The following LGR5 variants were observed in gnomAD, a reference collection of about 807,000 sequenced individuals.
LGR5 encodes the protein leucine rich repeat containing G protein-coupled receptor 5, also known as leucine-rich repeat-containing G protein-coupled receptor 5.
In LGR5, 54 loss-of-function variants were observed where a neutral mutation model predicts 76.7. The ratio of observed to expected loss-of-function variants is 0.70; its 90% confidence interval spans 0.57 to 0.88. LGR5 has a LOEUF of 0.88. Ranked by LOEUF, LGR5 falls within the 40% of genes least tolerant of loss-of-function variation. LGR5 has a pLI of 0.00. For missense variants in LGR5, 1,078 were observed against 1,073.3 expected, an observed-to-expected ratio of 1.00 and a Z score of -0.06; for synonymous variants, 406 against 421.9, an observed-to-expected ratio of 0.96 and a Z score of 0.46.
chr12:71,464,805 G>C (rs1176623470), intron 1 of LGR5, among the ~76,000 whole-genome samples: 1 of 152,122 alleles, frequency 6.6e-6, no homozygotes, highest in African/African-American at 2.4e-5. Context: ...AGATTTTTAT[G>C]TTCAGAAAAC....
In LGR5 at chr12:71,564,719, ATATACATATATGTACACACACTG is replaced by A. The variant is rs1878241712; in HGVS notation, c.858-1680_858-1658del. On this transcript the variant is annotated intron_variant, in intron 8 of 17. Transcript: ENST00000266674. ...ATGTACACACACTGTATATATACAT[ATATACATATATGTACACACACTG>A]TATATATATACATATATACATATAT... Among the ~76,000 whole-genome samples the A allele has an allele frequency of 7.4e-4, 11 of 14,844 alleles. 1 individual carries two copies. In the Admixed American group the frequency reaches 0.017, roughly 23 times the overall value. 9.7% of individuals were successfully genotyped at this position (14,844 alleles called of 152,430 possible).
At position 71,473,159 on chromosome 12, in the gene LGR5, G is replaced by A. The variant is rs3803031; in HGVS notation, c.213-31455G>A. ...ACAATCTAGTCTGAAAGATTTTAAC[G>A]GTGGCCATGTCTTACAGGATCTTAC... On this transcript the variant is annotated intron_variant, in intron 1 of 17. Transcript: ENST00000266674. Among the ~76,000 whole-genome samples the A allele has an allele frequency of 1.7e-3, 252 of 152,154 alleles. 3 individuals carry two copies. In the East Asian group the frequency reaches 0.025, roughly 15 times the overall value.
At chr12:71,501,998 T>C (rs1874628966) in intron 1 of LGR5, among the ~76,000 whole-genome samples, 1 of 152,170 alleles carries the variant, frequency 6.6e-6, no homozygotes, top group Non-Finnish European at 1.5e-5. Flanking sequence ...AGATCATTGC[T>C]ATTAAAAGTT....
At chr12:71,550,051 G>T (rs1877397325) in intron 4 of LGR5, among the ~76,000 whole-genome samples, 1 of 152,250 alleles carries the variant, frequency 6.6e-6, no homozygotes, top group South Asian at 2.1e-4. Flanking sequence ...ACTTTGGTAG[G>T]AACATAAAAT....
chr12:71,580,151 C>T (rs1251013733), intron 15 of LGR5, 127 bp from the exon 16 acceptor site: 2 of 819,110 alleles, frequency 2.4e-6, no homozygotes, highest in Non-Finnish European at 3.8e-6. Context: ...ATGTGCATAA[C>T]TTATACTTTG....
chr12:71,560,340 C>G (rs1429850909), intron 7 of LGR5, among the ~76,000 whole-genome samples: 1 of 152,006 alleles, frequency 6.6e-6, no homozygotes, highest in Non-Finnish European at 1.5e-5. Context: ...TTCTAAGAAA[C>G]AGAAAATATA....
chr12:71,535,765 A>G (rs74629836), intron 4 of LGR5, among the ~76,000 whole-genome samples: 7,107 of 152,250 alleles, frequency 0.047, 219 homozygotes, highest in Middle Eastern at 0.12. Flanking sequence ...ATACAAACAT[A>G]CCTTAGATTC....
chr12:71,561,725 C>A, intron 7 of LGR5, 56 bp from the exon 8 acceptor site: 1 of 1,013,586 alleles, frequency 9.9e-7, no homozygotes, highest in Non-Finnish European at 1.5e-6. Context: ...GTGGGGGCCT[C>A]TATTAAATAA....
At chr12:71,557,683 G>A (rs1877845748) in intron 6 of LGR5, among the ~76,000 whole-genome samples, 1 of 152,208 alleles carries the variant, frequency 6.6e-6, no homozygotes, top group African/African-American at 2.4e-5. Context: ...TTTTCCCAGG[G>A]GAGGAGCTGC....
chr12:71,506,288 CA>C (rs1451320896), intron 2 of LGR5, among the ~76,000 whole-genome samples: 1 of 151,938 alleles, frequency 6.6e-6, no homozygotes, highest in African/African-American at 2.4e-5. Flanking sequence ...TATCTCATGG[CA>C]AAATGCTTCC....
chr12:71,566,647 C>G lies in LGR5; in HGVS notation c.945C>G (p.Ala315=). The G allele has an allele frequency of 6.2e-7, 1 of 1,613,028 alleles. No individual in the cohort carries two copies. Among genetic ancestry groups the G allele is most frequent in the Non-Finnish European group, 8.5e-7 (1 of 1,179,170 alleles). The change falls in exon 10 of 18, where the codon GCC becomes GCG. Residue 315 remains alanine (A), a synonymous_variant. Transcript: ENST00000266674. ...CTCTTTCTAGGACTCTGAATGGTGC[C>G]TCACAAATAACTGAATTTCCTGATT... The part of the protein sequence containing the change: ...PELRTLTLNG[A]SQITEFPDLT...
chr12:71,479,112 T>C (rs35456474), intron 1 of LGR5, among the ~76,000 whole-genome samples: 13,644 of 152,266 alleles, frequency 0.09, 658 homozygotes, highest in Non-Finnish European at 0.11. Flanking sequence ...CAACGGGAAA[T>C]TAACTAAAAA....
intron 4 of LGR5, among the ~76,000 whole-genome samples, chr12:71,545,103 C>T (rs959509064): frequency 3.4e-5 from 5 of 147,658 alleles, no homozygotes; most frequent in African/African-American, 1.0e-4. Flanking sequence ...AAGACCCCAT[C>T]TCTACAAAAG....
At chr12:71,461,355 C>T (rs907000899) in intron 1 of LGR5, among the ~76,000 whole-genome samples, 8 of 152,124 alleles carry the variant, frequency 5.3e-5, no homozygotes, top group African/African-American at 1.9e-4. Context: ...AGTTAATTAT[C>T]TTCCAGACAT....
intron 12 of LGR5, 101 bp downstream of exon 12, chr12:71,571,680 CAT>C (rs1475844286): frequency 1.2e-6 from 1 of 800,528 alleles, no homozygotes; most frequent in East Asian, 2.5e-5. Context: ...ACTGGGGAGA[CAT>C]GTGATCCTTT....
At chr12:71,456,999 T>G (rs566243920) in intron 1 of LGR5, among the ~76,000 whole-genome samples, 2 of 151,900 alleles carry the variant, frequency 1.3e-5, no homozygotes, top group African/African-American at 4.8e-5. Flanking sequence ...CCATCTCACT[T>G]TTTTTTTAAG....
At chr12:71,532,758 G>C (rs1280824) in intron 3 of LGR5, among the ~76,000 whole-genome samples, 148,094 of 152,168 alleles carry the variant, frequency 0.97, 72,204 homozygotes, top group Middle Eastern at 1. Flanking sequence ...GGTCTTGTCT[G>C]CAAACCCAGT....
intron 1 of LGR5, among the ~76,000 whole-genome samples, chr12:71,486,336 G>A (rs1485162585): frequency 6.6e-6 from 1 of 152,084 alleles, no homozygotes; most frequent in Non-Finnish European, 1.5e-5. Context: ...GTCTGAGCCC[G>A]ACAGCAATCG....
At chr12:71,512,146 C>A (rs923577188) in intron 2 of LGR5, among the ~76,000 whole-genome samples, 34 of 152,152 alleles carry the variant, frequency 2.2e-4, no homozygotes, top group Non-Finnish European at 4.1e-4. Context: ...CACCCGCCAT[C>A]ATGCCCAGCT....
Sources: gnomAD v4.1 joint callset for allele counts (sites outside exome capture counted in the v4.1 genomes callset) on GRCh38, gnomAD v4.1.1 for gene constraint, MANE v1.5 for transcripts, NCBI Gene and HGNC (gene_info 2026-07-23, HGNC 2026-07-21) for gene names.